The following MCM4 variants were observed in gnomAD, a reference collection of about 807,000 sequenced individuals.
MCM4 encodes minichromosome maintenance complex component 4, also known as DNA replication licensing factor MCM4.
MCM4 carries 60 observed loss-of-function variants against 88.7 expected under a neutral mutation model. That is an observed-to-expected ratio of 0.68 (90% CI 0.55 to 0.84). The LOEUF (loss-of-function observed/expected upper bound fraction) is 0.84. Ranked by LOEUF, MCM4 falls within the 40% of genes least tolerant of loss-of-function variation. MCM4 has a pLI of 0.00. For missense variants in MCM4, 1,149 were observed against 1,105.5 expected (o/e 1.04, Z -0.56); for synonymous variants, 465 against 410.5 (o/e 1.13, Z -1.61).
rs775550789 is a variant in MCM4 at position 47,963,061 on chromosome 8, TTGA to T, written c.693+25_693+27del. 2.2e-6 allele frequency: 3 copies of T among 1,357,982 alleles called. No individual in the cohort carries two copies. The South Asian group carries it at 3.8e-5, about 17-fold the overall frequency. 84.1% of individuals were successfully genotyped at this position (1,357,982 alleles called of 1,614,324 possible). ...CACAGGTAAGAATTTAGCTTTGACC[TTGA>T]TGAATTTTAGTAACAGTCTAGAAAG... is the stretch of plus-strand genomic sequence containing the variant. On this transcript the variant is annotated intron_variant, in intron 7 of 16. Coordinates refer to ENST00000649973, the MANE Select transcript of MCM4 (RefSeq NM_182746.3).
Position 47,961,142 on chromosome 8 carries a change from A to G in MCM4, c.-3A>G. ...TCCTTGTCGCGCAGGTACTCCGAGC[A>G]CTATGTCGTCCCCGGCGTCGACCCC... On this transcript the variant is annotated 5_prime_UTR_variant, in exon 2 of 17. Coordinates refer to ENST00000649973, the MANE Select transcript of MCM4 (RefSeq NM_182746.3). 3 of 1,553,106 alleles carry G rather than the reference A, an allele frequency of 1.9e-6. No individual in the cohort carries two copies. Among genetic ancestry groups the G allele is most frequent in the Non-Finnish European group, 2.6e-6 (3 of 1,159,550 alleles).
chr8:47,972,539 TTTG>T lies in MCM4; in HGVS notation c.1929-309_1929-307del, dbSNP rs1467713052. On this transcript the variant is annotated intron_variant, in intron 13 of 16. Coordinates refer to ENST00000649973, the MANE Select transcript of MCM4 (RefSeq NM_182746.3). ...GTGTCTCAACTAGGAAAACAGTTTT[TTTG>T]TTGTTGTTTTGGGTTTTTTTGTTTG... Among the ~76,000 whole-genome samples the T allele has an allele frequency of 3.3e-5, 5 of 152,202 alleles. No homozygotes were observed. In the East Asian group the frequency reaches 7.8e-4, roughly 24 times the overall value.
intron 9 of MCM4, among the ~76,000 whole-genome samples, chr8:47,966,955 G>A (rs1001054659): frequency 3.3e-5 from 5 of 152,356 alleles, no homozygotes; most frequent in Middle Eastern, 3.4e-3. Flanking sequence ...ATGTTGCATG[G>A]GATGGAGAGC....
At chr8:47,976,292 CAAAAAAAAA>C (rs554025887) in intron 16 of MCM4, among the ~76,000 whole-genome samples, 1 of 115,366 alleles carries the variant, frequency 8.7e-6, no homozygotes, top group South Asian at 2.6e-4. Flanking sequence ...AACTCCATCT[CAAAAAAAAA>C]AAAAAAGAAA....
chr8:47,965,139 C>T (rs969142977), intron 8 of MCM4, among the ~76,000 whole-genome samples: 3 of 151,752 alleles, frequency 2.0e-5, no homozygotes, highest in East Asian at 1.9e-4. Flanking sequence ...CGCTTGAACC[C>T]GGGAGGCGGA....
At chr8:47,966,092 G>T in intron 8 of MCM4, 95 bp from the exon 9 acceptor site, 1 of 980,380 alleles carries the variant, frequency 1.0e-6, no homozygotes. Context: ...GCCCTAGGCA[G>T]AGTCTTGGGC....
rs377296239 is a variant in MCM4, at chr8:47,961,500, T to C, written c.71-16T>C. On this transcript the variant is annotated splice_polypyrimidine_tract_variant and intron_variant, in intron 2 of 16. Transcript: ENST00000649973. ...TGAAAGTTAATGGCTGTCTTTTCTG[T>C]TTTGTGTGACACAAGCTCGGAGTGA... The C allele has an allele frequency of 4.0e-4, 640 of 1,613,548 alleles. 1 individual carries two copies. Among genetic ancestry groups the C allele is most frequent in the Non-Finnish European group, 5.3e-4 (625 of 1,180,026 alleles).
chr8:47,962,831 A>G lies in MCM4; in HGVS notation c.569A>G (p.Glu190Gly), dbSNP rs2090858290. 1 of 1,608,836 alleles carries G rather than the reference A, an allele frequency of 6.2e-7. No individual in the cohort carries two copies. The highest frequency in any genetic ancestry group is 1.3e-5 in the African/African-American group (1 of 74,588). Residue 190 changes from glutamate to glycine, a missense_variant, in exon 6 of 17, where the codon GAA (glutamate) becomes GGA (glycine). Transcript: ENST00000649973. The part of the protein sequence containing the change: ...EEENVGIDIT[E>G]PLYMQRLGEI... ...GAAAATGTTGGCATAGATATTACTG[A>G]ACCTCTATACATGCAACGACTTGGG... is the stretch of plus-strand genomic sequence containing the variant.
intron 16 of MCM4, among the ~76,000 whole-genome samples, 199 bp from the exon 17 acceptor site, chr8:47,976,487 A>T (rs1234214319): frequency 2.0e-5 from 3 of 152,138 alleles, no homozygotes; most frequent in African/African-American, 7.2e-5. Flanking sequence ...GATAGTTACA[A>T]CGTGGACTAT....
At chr8:47,965,016 G>A (rs1015604657) in intron 8 of MCM4, among the ~76,000 whole-genome samples, 8 of 152,134 alleles carry the variant, frequency 5.3e-5, no homozygotes, top group Non-Finnish European at 1.0e-4. Context: ...AGGAGTTTGA[G>A]ACCAGCCTGG....
In MCM4 at chr8:47,961,866, G is replaced by C. The variant is rs777429278; in HGVS notation, c.235+186G>C. 3.5e-5 allele frequency: 32 copies of C among 909,744 alleles called. No individual in the cohort carries two copies. The South Asian group carries it at 4.7e-4, about 13-fold the overall frequency. 56.4% of individuals were successfully genotyped at this position (909,744 alleles called of 1,614,324 possible). A position where few individuals can be genotyped will look rare whatever the true frequency, so the allele number is the denominator to read the frequency against. On this transcript the variant is annotated intron_variant, in intron 3 of 16. Coordinates refer to ENST00000649973, the MANE Select transcript of MCM4 (RefSeq NM_182746.3). ...AAATAGTAGTTTTAGGGCTTAGTGAGCAGAGGAAGCAGCTTCTCTGGTGCT... is the reference window on the plus strand; with the variant it reads ...AAATAGTAGTTTTAGGGCTTAGTGACCAGAGGAAGCAGCTTCTCTGGTGCT...
chr8:47,969,773 G>C, intron 10 of MCM4, 25 bp from the exon 11 acceptor site: 3 of 1,612,284 alleles, frequency 1.9e-6, no homozygotes, highest in Non-Finnish European at 2.5e-6. Flanking sequence ...GAAGGTAAAA[G>C]TGCATCTCCT....
rs925084639 is a variant in MCM4 at position 47,966,275 on chromosome 8, AGT to A, written c.927_928del (p.Ala310ProfsTer38). ...EMQEAFFQCQVCAHTTRVEMD... is the reference protein window; with the variant it reads ...EMQEAFFQCQXCAHTTRVEMD... ...TGCAGGAGGCCTTCTTCCAGTGCCA[AGT>A]GTGTGCCCACACGACCCGGGTGGAG... On this transcript the variant is annotated frameshift_variant, in exon 9 of 17. Transcript: ENST00000649973. LOFTEE classifies it high-confidence loss of function. 1 of 1,614,028 alleles carries A rather than the reference AGT, an allele frequency of 6.2e-7. No homozygotes were observed. The highest frequency in any genetic ancestry group is 8.5e-7 in the Non-Finnish European group (1 of 1,180,006).
chr8:47,974,878 G>A lies in MCM4; in HGVS notation c.2281G>A (p.Ala761Thr). The A allele has an allele frequency of 1.2e-6, 2 of 1,614,228 alleles. No individual in the cohort carries two copies. The highest frequency in any genetic ancestry group is 1.7e-6 in the Non-Finnish European group (2 of 1,180,038). The change falls in exon 15 of 17, where the codon GCC becomes ACC. Residue 761 changes from alanine to threonine, a missense_variant. Physicochemically the swap from Ala to Thr is moderately conservative, Grantham distance 58 (BLOSUM62 0). Coordinates refer to ENST00000649973, the MANE Select transcript of MCM4 (RefSeq NM_182746.3). ...AGTTGAAGCCATTGATGTGGAAGAGGCCAAACGCCTCCATCGGGAAGCTCT... is the reference window on the plus strand; with the variant it reads ...AGTTGAAGCCATTGATGTGGAAGAGACCAAACGCCTCCATCGGGAAGCTCT... Reference protein sequence around the residue: ...NKVEAIDVEEAKRLHREALKQ... With the variant: ...NKVEAIDVEETKRLHREALKQ...
At chr8:47,961,723 G>A (rs1364936931) in intron 3 of MCM4, 43 bp downstream of exon 3, 36 of 1,563,952 alleles carry the variant, frequency 2.3e-5, no homozygotes, top group Non-Finnish European at 3.1e-5. Flanking sequence ...TTGATACACA[G>A]CTGATGCTTT....
In MCM4 at chr8:47,967,141, C is replaced by T. The variant is rs1473068340; in HGVS notation, c.1054-224C>T. ...GCTTTATGAAAAGCATCTCAGCTTC[C>T]CCCACCGCAGCTCCCTACATTCCTT... On this transcript the variant is annotated intron_variant, in intron 9 of 16. Coordinates refer to ENST00000649973, the MANE Select transcript of MCM4 (RefSeq NM_182746.3). Among the ~76,000 whole-genome samples the T allele has an allele frequency of 2.6e-5, 4 of 152,228 alleles. 1 individual carries two copies. Among genetic ancestry groups the T allele is most frequent in the Admixed American group, 1.3e-4 (2 of 15,288 alleles).
rs2154505572 is a variant in MCM4, at chr8:47,977,447, A to AG, written c.*671dup. ...TCAGTATGCTTATGGATTTGATGAC[A>AG]GGCATAGCCTGGGCATATCACCTCA... On this transcript the variant is annotated 3_prime_UTR_variant, in exon 17 of 17. Coordinates refer to ENST00000649973, the MANE Select transcript of MCM4 (RefSeq NM_182746.3). 6.6e-6 allele frequency: 1 copy of AG among 152,342 alleles called. No individual in the cohort carries two copies. The highest frequency in any genetic ancestry group is 6.5e-5 in the Admixed American group (1 of 15,272). 9.4% of individuals were successfully genotyped at this position (152,342 alleles called of 1,614,324 possible). A position where few individuals can be genotyped will look rare whatever the true frequency, so the allele number is the denominator to read the frequency against.
At chr8:47,961,788 C>A in intron 3 of MCM4, 108 bp downstream of exon 3, 1 of 1,359,684 alleles carries the variant, frequency 7.4e-7, no homozygotes, top group South Asian at 1.4e-5. Context: ...AAAGCATCCC[C>A]TCTGCACGTG....
chr8:47,968,842 A>C (rs1177865774), intron 10 of MCM4, among the ~76,000 whole-genome samples: 3 of 152,060 alleles, frequency 2.0e-5, no homozygotes, highest in Non-Finnish European at 4.4e-5. Context: ...TCCAGAAAAG[A>C]CGAACATCAG....
Sources: gnomAD v4.1 joint callset for allele counts (sites outside exome capture counted in the v4.1 genomes callset) on GRCh38, gnomAD v4.1.1 for gene constraint, MANE v1.5 for transcripts, NCBI Gene and HGNC (gene_info 2026-07-23, HGNC 2026-07-21) for gene names.